ADAMTS2: variants seen among roughly 807,000 people sequenced by gnomAD.
ADAMTS2 encodes ADAM metallopeptidase with thrombospondin type 1 motif 2, also known as A disintegrin and metalloproteinase with thrombospondin motifs 2.
In ADAMTS2, 50 loss-of-function variants were observed where a neutral mutation model predicts 123.0. The ratio of observed to expected loss-of-function variants is 0.41; its 90% CI spans 0.32 to 0.51. The LOEUF (loss-of-function observed/expected upper bound fraction) is 0.51. ADAMTS2 is among the 20% of genes least tolerant of loss of function. The pLI, the probability that ADAMTS2 is intolerant of heterozygous loss-of-function variation, is 0.35. For missense variants in ADAMTS2, 1,494 were observed against 1,705.2 expected (o/e 0.88, Z 2.18); for synonymous variants, 678 against 695.4 (o/e 0.98, Z 0.39).
In ADAMTS2 at chr5:179,298,061, C is replaced by T. The variant is rs139023691; in HGVS notation, c.535-24997G>A. Among the ~76,000 whole-genome samples the T allele has an allele frequency of 1.6e-3, 236 of 152,250 alleles. 2 individuals carry two copies. The highest frequency in any genetic ancestry group is 4.7e-3 in the African/African-American group (196 of 41,548). ...TCTCTCTGGCCGCCCCCAGCTGCTC[C>T]GGTTTCCACAGCACCAGAGGCCAGG... On this transcript the variant is annotated intron_variant, in intron 2 of 21. Coordinates refer to ENST00000251582, the MANE Select transcript of ADAMTS2 (RefSeq NM_014244.5).
At chr5:179,299,530 A>AACACACACACACAC (rs3986821) in intron 2 of ADAMTS2, among the ~76,000 whole-genome samples, 16,458 of 120,274 alleles carry the variant, frequency 0.14, 1,451 homozygotes, top group Non-Finnish European at 0.17. Context: ...CTCCAACTCA[A>AACACACACACACAC]ACACACACAC....
rs955501546 is a variant in ADAMTS2 at position 179,124,963 on chromosome 5, G to C, written c.2958+10C>G. 3 of 1,599,178 alleles carry C rather than the reference G, an allele frequency of 1.9e-6. No individual in the cohort carries two copies. The highest frequency in any genetic ancestry group is 1.1e-5 in the South Asian group (1 of 89,872). On this transcript the variant is annotated intron_variant, in intron 19 of 21. Transcript: ENST00000251582. ...TGGAGCTGAGGACACGGGATCGGGG[G>C]ATTGCGTACCTGGGACCAGGGCCCG...
At chr5:179,194,785 C>T (rs923235686) in intron 4 of ADAMTS2, among the ~76,000 whole-genome samples, 4 of 152,144 alleles carry the variant, frequency 2.6e-5, no homozygotes, top group Non-Finnish European at 4.4e-5. Context: ...CCTCCTTGCA[C>T]AGGGCCAGCA....
intron 3 of ADAMTS2, among the ~76,000 whole-genome samples, chr5:179,257,106 C>T (rs1766076763): frequency 1.3e-5 from 2 of 152,182 alleles, no homozygotes; most frequent in Admixed American, 1.3e-4. Flanking sequence ...ACCAAGGGCC[C>T]ACATTGTGAG....
At chr5:179,147,805 A>G (rs976637526) in intron 10 of ADAMTS2, among the ~76,000 whole-genome samples, 1 of 152,200 alleles carries the variant, frequency 6.6e-6, no homozygotes, top group African/African-American at 2.4e-5. Flanking sequence ...CACCCACAGG[A>G]GGGGAAGTGT....
In ADAMTS2 at chr5:179,207,813, A is replaced by G. The variant is rs1764741766; in HGVS notation, c.689-98T>C. 6 of 1,058,688 alleles carry G rather than the reference A, an allele frequency of 5.7e-6. No homozygotes were observed. In the South Asian group the frequency reaches 6.5e-5, roughly 11 times the overall value. 65.6% of individuals were successfully genotyped at this position (1,058,688 alleles called of 1,614,324 possible). A position where few individuals can be genotyped will look rare whatever the true frequency, so the allele number is the denominator to read the frequency against. On this transcript the variant is annotated intron_variant, in intron 3 of 21. Transcript: ENST00000251582. The stretch of plus-strand genomic sequence containing the variant: ...GGCCATCCTCTCATTTAAAACTCAT[A>G]GCACCCTGAACCGAGGGTATTATTC...
chr5:179,316,456 T>G (rs1300614546), intron 2 of ADAMTS2, among the ~76,000 whole-genome samples: 1 of 152,132 alleles, frequency 6.6e-6, no homozygotes, highest in Non-Finnish European at 1.5e-5. Context: ...CATGTGGGCA[T>G]CCCAGGCTCC....
chr5:179,224,292 T>G (rs976272942), intron 3 of ADAMTS2, among the ~76,000 whole-genome samples: 7 of 152,098 alleles, frequency 4.6e-5, no homozygotes, highest in African/African-American at 1.7e-4. Flanking sequence ...CACCCTGACA[T>G]CCGTAGGCGC....
At chr5:179,341,858 A>C (rs1561773071) in intron 2 of ADAMTS2, among the ~76,000 whole-genome samples, 2 of 152,180 alleles carry the variant, frequency 1.3e-5, no homozygotes, top group Non-Finnish European at 2.9e-5. Flanking sequence ...TGTCTGGTAC[A>C]TGGGACACTT....
chr5:179,231,484 T>C (rs1371238801), intron 3 of ADAMTS2, among the ~76,000 whole-genome samples: 1 of 152,146 alleles, frequency 6.6e-6, no homozygotes, highest in Admixed American at 6.5e-5. Flanking sequence ...ACCGCCTCGA[T>C]GTGCTGATGG....
chr5:179,274,578 A>G (rs542472408), intron 2 of ADAMTS2, among the ~76,000 whole-genome samples: 1 of 152,258 alleles, frequency 6.6e-6, no homozygotes, highest in Non-Finnish European at 1.5e-5. Flanking sequence ...CTGCCATATC[A>G]TCATCTTGGT....
In ADAMTS2 at chr5:179,189,944, G is replaced by A. The variant is rs896306762; in HGVS notation, c.892-8789C>T. On this transcript the variant is annotated intron_variant, in intron 4 of 21. Coordinates refer to ENST00000251582, the MANE Select transcript of ADAMTS2 (RefSeq NM_014244.5). The surrounding 1 kb of genome is among the most constrained non-coding windows in gnomAD (Gnocchi z 4.2). ...TCACAAAGTACATTACCCCAAGGGC[G>A]GAGAGGGTGTATTGTTCACAAATTC... Among the ~76,000 whole-genome samples the A allele has an allele frequency of 9.2e-5, 14 of 152,240 alleles. No homozygotes were observed. In the East Asian group the frequency reaches 9.6e-4, roughly 10 times the overall value.
chr5:179,215,759 TC>T (rs961007246), intron 3 of ADAMTS2, among the ~76,000 whole-genome samples: 2 of 151,912 alleles, frequency 1.3e-5, no homozygotes, highest in Non-Finnish European at 2.9e-5. Context: ...CTACAAAGTC[TC>T]CCGGAGAATA....
chr5:179,232,486 G>A (rs890500574), intron 3 of ADAMTS2, among the ~76,000 whole-genome samples: 13 of 152,216 alleles, frequency 8.5e-5, no homozygotes, highest in African/African-American at 3.1e-4. Flanking sequence ...TCAGAACCAG[G>A]ATATGAACCC....
In ADAMTS2 at chr5:179,118,548, T is replaced by C. The variant is rs983092960; in HGVS notation, c.3178+3113A>G. Among the ~76,000 whole-genome samples, 2 of 152,236 alleles carry C rather than the reference T, an allele frequency of 1.3e-5. No individual in the cohort carries two copies. The highest frequency in any genetic ancestry group is 4.8e-5 in the African/African-American group (2 of 41,468). On this transcript the variant is annotated intron_variant, in intron 21 of 21. Coordinates refer to ENST00000251582, the MANE Select transcript of ADAMTS2 (RefSeq NM_014244.5). This position sits in a 1 kb window ranked among gnomAD's most constrained non-coding sequence, Gnocchi z 4.5. ...TACACCTGAACAGCACCTGCATTAT[T>C]ATTTGCTTAGTCATATCCTTTAAAT...
chr5:179,131,461 C>T (rs1157648919), intron 15 of ADAMTS2, among the ~76,000 whole-genome samples: 10 of 152,030 alleles, frequency 6.6e-5, no homozygotes, highest in East Asian at 1.9e-4. Context: ...TGCTGGTCCA[C>T]GGCAGCGTGG....
intron 13 of ADAMTS2, among the ~76,000 whole-genome samples, chr5:179,134,934 C>G (rs1233516873): frequency 2.4e-5 from 3 of 124,120 alleles, no homozygotes; most frequent in Non-Finnish European, 5.2e-5. Flanking sequence ...CTCCAGCCCC[C>G]AGCTCCCGAC....
rs1763097910 is a variant in ADAMTS2, at chr5:179,138,094, T to C, written c.1776-150A>G. ...AGCAAAGGGACCTTGCCCTGCCATG[T>C]CCTAGCTGTAAGACCTGGGCAGTTG... On this transcript the variant is annotated intron_variant, in intron 11 of 21. Coordinates refer to ENST00000251582, the MANE Select transcript of ADAMTS2 (RefSeq NM_014244.5). 4 of 885,374 alleles carry C rather than the reference T, an allele frequency of 4.5e-6. No homozygotes were observed. In the South Asian group the frequency reaches 6.2e-5, roughly 14 times the overall value. The allele number at this position is 885,374 out of a possible 1,614,324, so 54.8% of individuals were successfully genotyped here. A position where few individuals can be genotyped will look rare whatever the true frequency, so the allele number is the denominator to read the frequency against.
In ADAMTS2 at chr5:179,175,896, C is replaced by G. The variant is rs1679238396; in HGVS notation, c.975+5176G>C. Reference sequence around the variant, plus strand: ...AGAGCAGGTTCAGCAGGCTGCGGATCTGCTGAGCAAGAAGCTTCCGTGGAG... The same window carrying G: ...AGAGCAGGTTCAGCAGGCTGCGGATGTGCTGAGCAAGAAGCTTCCGTGGAG... On this transcript the variant is annotated intron_variant, in intron 5 of 21. Transcript: ENST00000251582. The surrounding 1 kb of genome is among the most constrained non-coding windows in gnomAD (Gnocchi z 4.1). 6.6e-6 allele frequency among the ~76,000 whole-genome samples: 1 copy of G among 152,012 alleles called. No individual in the cohort carries two copies. The highest frequency in any genetic ancestry group is 2.4e-5 in the African/African-American group (1 of 41,386).
Sources: gnomAD v4.1 joint callset for allele counts (sites outside exome capture counted in the v4.1 genomes callset) on GRCh38, gnomAD v4.1.1 for gene constraint, Gnocchi (gnomAD v3.1) non-coding constraint, MANE v1.5 for transcripts, NCBI Gene and HGNC (gene_info 2026-07-23, HGNC 2026-07-21) for gene names.